TLE1: variants seen among roughly 807,000 people sequenced by gnomAD.
TLE1 encodes the protein transducin-like enhancer protein 1.
A neutral mutation model predicts 89.8 loss-of-function variants in TLE1; 21 were observed. That is an observed-to-expected ratio of 0.23 (90% CI 0.17 to 0.34). The LOEUF (loss-of-function observed/expected upper bound fraction) is 0.34. TLE1 is among the 10% of genes least tolerant of loss of function. The pLI is 1.00. For synonymous variants in TLE1, 447 were observed against 407.6 expected, an observed-to-expected ratio of 1.10 and a Z score of -1.16; for missense variants, 795 against 1,031.2, an observed-to-expected ratio of 0.77 and a Z score of 3.14.
rs763182346 is a variant in TLE1 at position 81,585,669 on chromosome 9, G to A, written c.1978-14C>T. The stretch of plus-strand genomic sequence containing the variant: ...CAGGGAGAAGATCTACAAGGAGCAA[G>A]ACAGGCTCACTCATTATTCCGCCTG... On this transcript the variant is annotated splice_polypyrimidine_tract_variant and intron_variant, in intron 17 of 19. Coordinates refer to ENST00000376499, the MANE Select transcript of TLE1 (RefSeq NM_005077.5). 2.1e-5 allele frequency: 34 copies of A among 1,613,132 alleles called. No individual in the cohort carries two copies. Among genetic ancestry groups the A allele is most frequent in the Non-Finnish European group, 2.5e-5 (30 of 1,179,558 alleles).
chr9:81,605,754 C>A (rs571836736), intron 14 of TLE1, among the ~76,000 whole-genome samples: 1 of 151,598 alleles, frequency 6.6e-6, no homozygotes, highest in Non-Finnish European at 1.5e-5. Flanking sequence ...GCAACAAAAG[C>A]CAAAATAGAC....
rs151023920 is a variant in TLE1 at position 81,620,909 on chromosome 9, C to T, written c.595-352G>A. On this transcript the variant is annotated intron_variant, in intron 8 of 19. Coordinates refer to ENST00000376499, the MANE Select transcript of TLE1 (RefSeq NM_005077.5). The stretch of plus-strand genomic sequence containing the variant: ...ACTTCCTGGTCAGGAATACGAATGG[C>T]CTATGAGCAAATCTTGAGATTACTC... The T allele has an allele frequency of 7.3e-6, 4 of 549,002 alleles. No individual in the cohort carries two copies. In the African/African-American group the frequency reaches 7.5e-5, roughly 10 times the overall value. 34.0% of individuals were successfully genotyped at this position (549,002 alleles called of 1,614,324 possible).
At chr9:81,677,708 T>C (rs927166945) in intron 4 of TLE1, among the ~76,000 whole-genome samples, 2 of 152,102 alleles carry the variant, frequency 1.3e-5, no homozygotes, top group Non-Finnish European at 2.9e-5. Context: ...CCCAGTCTCA[T>C]GGTACATGTA....
Position 81,613,035 on chromosome 9 carries a change from G to C in TLE1, c.1063+342C>G, listed in dbSNP as rs547821694. Reference sequence around the variant, plus strand: ...ATCCCGCCATTGCATTCCAGCCTGGGGGGGACAAGAGCAAGACTTTCGTCT... The same window carrying C: ...ATCCCGCCATTGCATTCCAGCCTGGCGGGGACAAGAGCAAGACTTTCGTCT... On this transcript the variant is annotated intron_variant, in intron 12 of 19. Transcript: ENST00000376499. 3.3e-5 allele frequency among the ~76,000 whole-genome samples: 5 copies of C among 152,176 alleles called. No homozygotes were observed. The East Asian group carries it at 7.7e-4, about 23-fold the overall frequency.
intron 1 of TLE1, among the ~76,000 whole-genome samples, chr9:81,687,992 G>A (rs1011328862): frequency 2.6e-5 from 4 of 152,194 alleles, no homozygotes; most frequent in Admixed American, 1.3e-4. Context: ...GCCCCTGTCC[G>A]CTCGGTATAG....
chr9:81,675,426 C>T (rs1832750641), intron 4 of TLE1, among the ~76,000 whole-genome samples: 2 of 152,188 alleles, frequency 1.3e-5, no homozygotes, highest in African/African-American at 4.8e-5. Flanking sequence ...TTCATCTACA[C>T]TCTATTGGCA....
chr9:81,592,449 G>A (rs867535488), intron 15 of TLE1, among the ~76,000 whole-genome samples: 4 of 152,172 alleles, frequency 2.6e-5, no homozygotes, highest in African/African-American at 9.7e-5. Flanking sequence ...CTGAGCGGAC[G>A]TGGCTTAGGT....
At chr9:81,618,763 G>C (rs1304511435) in intron 9 of TLE1, among the ~76,000 whole-genome samples, 1 of 152,108 alleles carries the variant, frequency 6.6e-6, no homozygotes, top group East Asian at 1.9e-4. Flanking sequence ...GTACACATAA[G>C]GAACTAGCAA....
intron 4 of TLE1, among the ~76,000 whole-genome samples, chr9:81,654,588 G>T (rs986969006): frequency 6.6e-5 from 10 of 152,106 alleles, no homozygotes; most frequent in Admixed American, 6.6e-4. Flanking sequence ...TGATCCGCCC[G>T]CCTCGGCCTC....
At chr9:81,677,235 T>TC (rs1833003766) in intron 4 of TLE1, among the ~76,000 whole-genome samples, 2 of 131,902 alleles carry the variant, frequency 1.5e-5, no homozygotes, top group African/African-American at 3.0e-5. Flanking sequence ...GAGACTCGTC[T>TC]TCCCCCCCCC....
chr9:81,672,564 A>G (rs1363679599), intron 4 of TLE1, among the ~76,000 whole-genome samples: 1 of 151,852 alleles, frequency 6.6e-6, no homozygotes, highest in East Asian at 1.9e-4. Flanking sequence ...ACGAAGAAAG[A>G]CAGCACCACA....
chr9:81,626,107 T>C (rs1336134613), intron 8 of TLE1, among the ~76,000 whole-genome samples: 2 of 152,074 alleles, frequency 1.3e-5, no homozygotes, highest in African/African-American at 4.8e-5. Context: ...CAAGACAGGT[T>C]TCCCTAATGC....
At chr9:81,655,441 A>G (rs558719228) in intron 4 of TLE1, among the ~76,000 whole-genome samples, 48 of 152,274 alleles carry the variant, frequency 3.2e-4, no homozygotes, top group Non-Finnish European at 6.0e-4. Context: ...TACAAGGGAC[A>G]AAAACTGGCA....
chr9:81,610,759 C>T (rs990025269), intron 13 of TLE1, among the ~76,000 whole-genome samples: 5 of 150,788 alleles, frequency 3.3e-5, no homozygotes, highest in African/African-American at 1.2e-4. Flanking sequence ...CTCCCACCCC[C>T]AGTTATGATA....
At chr9:81,602,610 G>A (rs1831086058) in intron 14 of TLE1, among the ~76,000 whole-genome samples, 1 of 152,140 alleles carries the variant, frequency 6.6e-6, no homozygotes, top group Non-Finnish European at 1.5e-5. Context: ...TACTCAAAAA[G>A]TTTCAGATTT....
intron 6 of TLE1, among the ~76,000 whole-genome samples, chr9:81,642,529 T>G (rs1401411514): frequency 2.6e-5 from 2 of 75,818 alleles, no homozygotes; most frequent in Non-Finnish European, 6.3e-5. Flanking sequence ...CCGTCTCTAC[T>G]TAAAAAAAAA....
Position 81,584,074 on chromosome 9 carries a change from T to C in TLE1, c.*124A>G, listed in dbSNP as rs529394238. 1 of 807,748 alleles carries C rather than the reference T, an allele frequency of 1.2e-6. No individual in the cohort carries two copies. Among genetic ancestry groups the C allele is most frequent in the Non-Finnish European group, 2.0e-6 (1 of 505,706 alleles). 50.0% of individuals were successfully genotyped at this position (807,748 alleles called of 1,614,324 possible). ...TCTTTGTAGACTCAAAGTAGTTTTC[T>C]GTCAAGGTTTGGAAACAGGTGTTTG... On this transcript the variant is annotated 3_prime_UTR_variant, in exon 20 of 20. Coordinates refer to ENST00000376499, the MANE Select transcript of TLE1 (RefSeq NM_005077.5).
chr9:81,658,904 T>TTATC (rs1345493734), intron 4 of TLE1, among the ~76,000 whole-genome samples: 1 of 152,046 alleles, frequency 6.6e-6, no homozygotes, highest in African/African-American at 2.4e-5. Flanking sequence ...ATGTATTTAT[T>TTATC]TATCTATTTA....
intron 6 of TLE1, among the ~76,000 whole-genome samples, chr9:81,648,685 G>A (rs1829171933): frequency 6.6e-6 from 1 of 152,248 alleles, no homozygotes; most frequent in South Asian, 2.1e-4. Context: ...ATAAAGTGGA[G>A]AAGTGGTCTT....
Sources: gnomAD v4.1 joint callset for allele counts (sites outside exome capture counted in the v4.1 genomes callset) on GRCh38, gnomAD v4.1.1 for gene constraint, MANE v1.5 for transcripts, NCBI Gene and HGNC (gene_info 2026-07-23, HGNC 2026-07-21) for gene names.